The following ASIP variants were observed in gnomAD, a reference collection of about 807,000 sequenced individuals.
ASIP encodes agouti-signaling protein.
In ASIP, 11 loss-of-function variants were observed where a neutral mutation model predicts 10.3. The observed-to-expected ratio is 1.07, with a 90% CI of 0.68 to 1.78. The LOEUF (loss-of-function observed/expected upper bound fraction) is 1.78, where lower values mean the gene tolerates loss of function less well. ASIP is among the 40% of genes most tolerant of loss of function. The pLI is 0.00. For synonymous variants in ASIP, 70 were observed against 70.8 expected, an observed-to-expected ratio of 0.99 and a Z score of 0.06; for missense variants, 180 against 169.2, an observed-to-expected ratio of 1.06 and a Z score of -0.35.
intron 1 of ASIP, among the ~76,000 whole-genome samples, chr20:34,235,786 GAAGAAAGAAAGA>G (rs572242709): frequency 0.011 from 658 of 61,364 alleles, 52 homozygotes; most frequent in African/African-American, 0.025. Context: ...CTCTGAGAAA[GAAGAAAGAAAGA>G]AAGAAAGAAA....
chr20:34,190,741 T>C (rs1019403576), upstream of ASIP, among the ~76,000 whole-genome samples: 2 of 152,198 alleles, frequency 1.3e-5, no homozygotes, highest in Non-Finnish European at 2.9e-5. Flanking sequence ...CTTTTCTCCA[T>C]ACCAAGTGCA....
the ASIP span, among the ~76,000 whole-genome samples, chr20:34,188,950 G>C: frequency 6.6e-6 from 1 of 152,114 alleles, no homozygotes; most frequent in African/African-American, 2.4e-5. Flanking sequence ...TAAGCATTAT[G>C]ATAGGGCTCT....
chr20:34,251,437 AT>A (rs200561843), intron 1 of ASIP, among the ~76,000 whole-genome samples: 6 of 150,734 alleles, frequency 4.0e-5, no homozygotes, highest in South Asian at 2.1e-4. Context: ...CGCCCGGCTG[AT>A]TTTTTTTTGT....
chr20:34,192,225 G>A (rs1399760521), upstream of ASIP, among the ~76,000 whole-genome samples: 2 of 151,700 alleles, frequency 1.3e-5, no homozygotes, highest in Non-Finnish European at 2.9e-5. Context: ...TAGTAGAGAC[G>A]GAGTTTCTCC....
intron 1 of ASIP, among the ~76,000 whole-genome samples, chr20:34,225,233 G>T (rs1187438140): frequency 6.6e-6 from 1 of 152,076 alleles, no homozygotes; most frequent in East Asian, 1.9e-4. Context: ...TTGAGACGGG[G>T]TTTCACCATG....
At chr20:34,221,202 C>T (rs2035044984) in intron 1 of ASIP, among the ~76,000 whole-genome samples, 1 of 151,742 alleles carries the variant, frequency 6.6e-6, no homozygotes, top group Admixed American at 6.6e-5. Context: ...CACGGTGAAA[C>T]CCCATCTCTA....
rs772655085 is a variant in ASIP, at chr20:34,258,674, C to CATATATAT, written c.-10-1681_-10-1674dup. Among the ~76,000 whole-genome samples, 20 of 12,154 alleles carry CATATATAT rather than the reference C, an allele frequency of 1.6e-3. 4 individuals are homozygous for CATATATAT. In the East Asian group the frequency reaches 0.031, roughly 19 times the overall value. 8.0% of individuals were successfully genotyped at this position (12,154 alleles called of 152,430 possible). A position where few individuals can be genotyped will look rare whatever the true frequency, so the allele number is the denominator to read the frequency against. On this transcript the variant is annotated intron_variant, in intron 1 of 3. Transcript: ENST00000374954. Reference sequence around the variant, plus strand: ...AGTTAATATCTTAGAAGGGGGATGCCATATATATATATATATACATACTAT... The same window carrying CATATATAT: ...AGTTAATATCTTAGAAGGGGGATGCCATATATATATATATATATATATATACATACTAT...
intron 1 of ASIP, among the ~76,000 whole-genome samples, chr20:34,197,411 G>C (rs532122402): frequency 6.6e-6 from 1 of 152,142 alleles, no homozygotes; most frequent in Admixed American, 6.5e-5. Context: ...CAGGTCTTAC[G>C]CATTTTCACT....
upstream of ASIP, among the ~76,000 whole-genome samples, chr20:34,239,235 C>CT (rs111571096): frequency 3.7e-3 from 542 of 146,152 alleles, 2 homozygotes; most frequent in African/African-American, 0.011. Context: ...TGTTCAAATA[C>CT]TTTTTTTTTT....
intron 3 of ASIP, among the ~76,000 whole-genome samples, chr20:34,266,459 G>A (rs1035205846): frequency 8.5e-5 from 13 of 152,080 alleles, no homozygotes; most frequent in African/African-American, 2.7e-4. Flanking sequence ...GATCACCTGA[G>A]GTTAAGAGTT....
At chr20:34,209,083 A>G (rs936717975) in intron 1 of ASIP, among the ~76,000 whole-genome samples, 21 of 152,290 alleles carry the variant, frequency 1.4e-4, no homozygotes, top group South Asian at 1.2e-3. Context: ...TTCCTTTCCA[A>G]TTTGGATGCC....
chr20:34,189,834 C>G (rs538666075), upstream of ASIP, among the ~76,000 whole-genome samples: 5 of 152,294 alleles, frequency 3.3e-5, no homozygotes, highest in Admixed American at 1.3e-4. Context: ...ACCCCAGTCA[C>G]TCAGAAAGGA....
chr20:34,209,887 C>CTGG (rs2034962369), intron 1 of ASIP, among the ~76,000 whole-genome samples: 1 of 152,168 alleles, frequency 6.6e-6, no homozygotes, highest in Non-Finnish European at 1.5e-5. Flanking sequence ...GTCCCACAGA[C>CTGG]CAGAGTGGGA....
At chr20:34,263,661 C>CTT (rs200772515) in intron 3 of ASIP, among the ~76,000 whole-genome samples, 80 of 134,448 alleles carry the variant, frequency 6.0e-4, no homozygotes, top group African/African-American at 1.9e-3. Flanking sequence ...TATTTTATGT[C>CTT]TTTTTTTTTT....
chr20:34,215,222 C>T (rs2034999501), intron 1 of ASIP: 3 of 1,590,526 alleles, frequency 1.9e-6, no homozygotes, highest in Non-Finnish European at 2.6e-6. Flanking sequence ...ATAAACCTAT[C>T]ATTGGCTAAA....
At chr20:34,187,922 A>G in the ASIP span, among the ~76,000 whole-genome samples, 2 of 152,238 alleles carry the variant, frequency 1.3e-5, no homozygotes, top group Admixed American at 6.5e-5. Context: ...TATTATTCAT[A>G]TAGTTCAGTC....
At chr20:34,249,114 G>A (rs559270814) in intron 1 of ASIP, among the ~76,000 whole-genome samples, 4 of 152,104 alleles carry the variant, frequency 2.6e-5, no homozygotes, top group Admixed American at 2.0e-4. Context: ...GGGTGACAGA[G>A]TGAGACCCTG....
At chr20:34,196,330 C>T (rs1050546716) in intron 1 of ASIP, among the ~76,000 whole-genome samples, 29 of 151,960 alleles carry the variant, frequency 1.9e-4, no homozygotes, top group Middle Eastern at 3.4e-3. Context: ...CCCGCCACCA[C>T]GCCCAGCTAA....
intron 1 of ASIP, among the ~76,000 whole-genome samples, chr20:34,211,017 G>A (rs550499990): frequency 1.3e-5 from 2 of 152,166 alleles, no homozygotes; most frequent in South Asian, 4.1e-4. Flanking sequence ...TTTTTCTCTT[G>A]TAGTGTTCTC....
Sources: allele counts gnomAD v4.1 joint callset (sites outside exome capture counted in the v4.1 genomes callset), GRCh38; gene constraint gnomAD v4.1.1; transcripts MANE v1.5; gene names NCBI Gene and HGNC (gene_info 2026-07-23, HGNC 2026-07-21).